RFX4: variants seen among roughly 807,000 people sequenced by gnomAD.
RFX4 encodes the protein regulatory factor X4.
RFX4 carries 10 observed loss-of-function variants against 95.0 expected under a neutral mutation model. That is an observed-to-expected ratio of 0.11 (90% CI 0.06 to 0.18). The LOEUF (loss-of-function observed/expected upper bound fraction) is 0.18. RFX4 is among the 10% of genes least tolerant of loss of function. The probability of loss-of-function intolerance (pLI) is 1.00; values close to 1 mark genes in which losing one functional copy is unlikely to be tolerated. For missense variants in RFX4, 640 were observed against 922.0 expected, an observed-to-expected ratio of 0.69 and a Z score of 3.96; for synonymous variants, 321 against 340.7, an observed-to-expected ratio of 0.94 and a Z score of 0.64.
At chr12:106,626,602 C>T (rs796186162) in intron 2 of RFX4, among the ~76,000 whole-genome samples, 37 of 152,098 alleles carry the variant, frequency 2.4e-4, no homozygotes, top group African/African-American at 8.9e-4. Flanking sequence ...AGAAGGTTGG[C>T]GTGGAGGTTC....
chr12:106,740,268 C>T (rs1299384292), intron 15 of RFX4, among the ~76,000 whole-genome samples: 2 of 152,160 alleles, frequency 1.3e-5, no homozygotes, highest in Non-Finnish European at 1.5e-5. Context: ...CAAAGATAAC[C>T]GACCCTTAGT....
intron 13 of RFX4, among the ~76,000 whole-genome samples, chr12:106,722,825 G>A (rs899437732): frequency 2.0e-5 from 3 of 152,148 alleles, no homozygotes; most frequent in African/African-American, 7.2e-5. Context: ...CAAAAGCCCA[G>A]CTCCCCCTTT....
At chr12:106,626,842 A>G (rs2040310679) in intron 2 of RFX4, among the ~76,000 whole-genome samples, 1 of 152,188 alleles carries the variant, frequency 6.6e-6, no homozygotes, top group South Asian at 2.1e-4. Flanking sequence ...TCTAGTCTTC[A>G]GGTCACCATT....
chr12:106,611,542 A>G (rs964555780), intron 2 of RFX4, among the ~76,000 whole-genome samples: 2 of 146,736 alleles, frequency 1.4e-5, no homozygotes, highest in Admixed American at 1.4e-4. Flanking sequence ...ACAGAGTCTC[A>G]CTCTGTTGCC....
chr12:106,630,505 G>C (rs1267636028), intron 2 of RFX4, among the ~76,000 whole-genome samples: 1 of 152,210 alleles, frequency 6.6e-6, no homozygotes, highest in Admixed American at 6.5e-5. Context: ...ACTGCCAAAG[G>C]CCTGGGTGCC....
intron 15 of RFX4, among the ~76,000 whole-genome samples, chr12:106,745,556 T>G (rs1329342122): frequency 3.9e-5 from 6 of 152,224 alleles, no homozygotes; most frequent in Admixed American, 3.3e-4. Context: ...CCACCAACTC[T>G]GCTTCCTCCC....
At chr12:106,722,529 G>A (rs1229999455) in intron 13 of RFX4, among the ~76,000 whole-genome samples, 2 of 152,126 alleles carry the variant, frequency 1.3e-5, no homozygotes, top group Non-Finnish European at 2.9e-5. Flanking sequence ...TAAGAAATAT[G>A]GTTCCTTGAA....
chr12:106,739,582 T>A (rs2042770950), intron 15 of RFX4, among the ~76,000 whole-genome samples: 1 of 152,228 alleles, frequency 6.6e-6, no homozygotes, highest in Non-Finnish European at 1.5e-5. Flanking sequence ...CATTTCTAAA[T>A]ATATTTTATT....
intron 3 of RFX4, among the ~76,000 whole-genome samples, chr12:106,646,468 T>C (rs2040749091): frequency 1.4e-5 from 2 of 141,712 alleles, no homozygotes; most frequent in African/African-American, 2.6e-5. Context: ...AAGAGGGGAC[T>C]TGAATAACCA....
chr12:106,590,703 T>C (rs1292466789), intron 1 of RFX4, among the ~76,000 whole-genome samples: 13 of 152,296 alleles, frequency 8.5e-5, no homozygotes, highest in Admixed American at 8.5e-4. Context: ...CCCTGCACTT[T>C]GGGAGGTGAG....
chr12:106,697,625 G>A (rs1457796425), intron 8 of RFX4, among the ~76,000 whole-genome samples: 2 of 152,074 alleles, frequency 1.3e-5, no homozygotes, highest in Non-Finnish European at 2.9e-5. Flanking sequence ...CTAAGGGAGA[G>A]TATGTGCCAT....
intron 11 of RFX4, among the ~76,000 whole-genome samples, chr12:106,717,000 CAAAAAAAAAAA>C (rs71311249): frequency 1.7e-5 from 1 of 60,512 alleles, no homozygotes; most frequent in Non-Finnish European, 3.2e-5. Context: ...GCACAGGAGA[CAAAAAAAAAAA>C]AAAAAAAAAA....
At chr12:106,629,807 G>A (rs539362810) in intron 2 of RFX4, among the ~76,000 whole-genome samples, 29 of 152,086 alleles carry the variant, frequency 1.9e-4, no homozygotes, top group East Asian at 3.9e-4. Context: ...TTGTAGAGAC[G>A]GGGTCTCACT....
In RFX4 at chr12:106,732,223, G is replaced by A. The variant is rs754834543; in HGVS notation, c.1445G>A (p.Arg482Gln). Residue 482 changes from arginine (R) to glutamine (Q), a missense_variant, in exon 14 of 18, where the codon CGA becomes CAA. Physicochemically the swap from Arg to Gln is conservative, Grantham distance 43. This residue lies in a region of RFX4 where 300 missense variants were observed against 346.8 expected (regional missense o/e 0.87). Transcript: ENST00000392842. Reference sequence around the variant, plus strand: ...CAGGAGCGGGCCAATGAGCTCATGCGAGCCATGAAGGGAGAAGGAAGCACT... The same window carrying A: ...CAGGAGCGGGCCAATGAGCTCATGCAAGCCATGAAGGGAGAAGGAAGCACT... The part of the protein sequence containing the change: ...HCQERANELM[R>Q]AMKGEGSTAE... The A allele has an allele frequency of 7.2e-5, 117 of 1,613,854 alleles. No homozygotes were observed. The highest frequency in any genetic ancestry group is 9.6e-5 in the Non-Finnish European group (113 of 1,179,906).
At chr12:106,714,447 G>A (rs1210663785) in intron 10 of RFX4, among the ~76,000 whole-genome samples, 1 of 152,138 alleles carries the variant, frequency 6.6e-6, no homozygotes, top group East Asian at 1.9e-4. Flanking sequence ...GATTTTACTT[G>A]TAATTGGATG....
At chr12:106,710,312 A>T (rs1438434583) in intron 9 of RFX4, among the ~76,000 whole-genome samples, 1 of 152,214 alleles carries the variant, frequency 6.6e-6, no homozygotes, top group Non-Finnish European at 1.5e-5. Flanking sequence ...GGCTGCCTGC[A>T]GTGGCCATCA....
chr12:106,688,064 C>CTTTTTTT (rs754808212), intron 6 of RFX4, among the ~76,000 whole-genome samples: 39 of 96,208 alleles, frequency 4.1e-4, no homozygotes, highest in African/African-American at 9.3e-4. Flanking sequence ...TATCACATTT[C>CTTTTTTT]TTTTTTTTTT....
chr12:106,737,006 G>T (rs570272559), intron 15 of RFX4, among the ~76,000 whole-genome samples: 1 of 152,064 alleles, frequency 6.6e-6, no homozygotes, highest in Admixed American at 6.6e-5. Context: ...TCTTGGGCTA[G>T]CCTCCTTCTA....
intron 4 of RFX4, among the ~76,000 whole-genome samples, chr12:106,663,214 GTTC>G (rs1230444067): frequency 6.6e-6 from 1 of 151,954 alleles, no homozygotes; most frequent in African/African-American, 2.4e-5. Context: ...TTTTTATCTA[GTTC>G]TTCTTTGATT....
Sources: allele counts gnomAD v4.1 joint callset (sites outside exome capture counted in the v4.1 genomes callset), GRCh38; gene constraint gnomAD v4.1.1; regional missense constraint gnomAD v4.1.1; transcripts MANE v1.5; gene names NCBI Gene and HGNC (gene_info 2026-07-23, HGNC 2026-07-21).